Variants in TRIM65 observed in about 807,000 individuals in gnomAD.
The protein encoded by TRIM65 is E3 ubiquitin-protein ligase TRIM65.
A neutral mutation model predicts 36.1 loss-of-function variants in TRIM65; 46 were observed. That is an observed-to-expected ratio of 1.27 (90% CI 1.01 to 1.63). The LOEUF is 1.63. Ranked by LOEUF, TRIM65 falls within the 40% of genes most tolerant of loss-of-function variation. The pLI is 0.00. For synonymous variants in TRIM65, 346 were observed against 313.6 expected, an observed-to-expected ratio of 1.10 and a Z score of -1.09; for missense variants, 708 against 696.6, an observed-to-expected ratio of 1.02 and a Z score of -0.18.
In TRIM65 at chr17:75,896,527, G is replaced by C; in HGVS notation, c.411C>G (p.Arg137=). 1.5e-6 allele frequency: 2 copies of C among 1,327,726 alleles called. No individual in the cohort carries two copies. Among genetic ancestry groups the C allele is most frequent in the Non-Finnish European group, 1.9e-6 (2 of 1,040,660 alleles). 82.2% of individuals were successfully genotyped at this position (1,327,726 alleles called of 1,614,324 possible). The change falls in exon 1 of 6, where the codon CGC becomes CGG. Residue 137 remains arginine (R), a synonymous_variant. Coordinates refer to ENST00000269383, the MANE Select transcript of TRIM65 (RefSeq NM_173547.4). ...CCGCTCCCGGCGGATGCGTCACCTC[G>C]CGCTTGAGGCGCTCGGCATCCAGCA... is the stretch of plus-strand genomic sequence containing the variant. ...RALLDAERLK[R]EAQLRASLEV...
downstream of TRIM65, among the ~76,000 whole-genome samples, chr17:75,887,154 TA>T (rs5822108): frequency 0.7 from 70,851 of 101,478 alleles, 24,951 homozygotes; most frequent in East Asian, 0.84. Context: ...CCCCATCTCT[TA>T]AAAAAAAAAA....
downstream of TRIM65, among the ~76,000 whole-genome samples, chr17:75,879,793 G>A (rs765305124): frequency 2.0e-5 from 3 of 150,440 alleles, no homozygotes; most frequent in Non-Finnish European, 4.4e-5. Flanking sequence ...CGCTCTTGTC[G>A]CCCAGGCTGG....
chr17:75,891,142 C>T lies in TRIM65; in HGVS notation c.1191G>A (p.Leu397=), dbSNP rs2144052966. The T allele has an allele frequency of 1.9e-6, 3 of 1,608,518 alleles. No homozygotes were observed. Among genetic ancestry groups the T allele is most frequent in the Non-Finnish European group, 2.5e-6 (3 of 1,179,924 alleles). The part of the protein sequence containing the change: ...EVRASDHSVT[L]GVSYPQLPRC... ...GTGGCAGTTGCGGGTAGGAGACGCC[C>T]AGTGTCACCGAGTGGTCTGACGCGC... The change falls in exon 6 of 6, where the codon CTG becomes CTA. Residue 397 remains leucine, a synonymous_variant. Transcript: ENST00000269383.
intron 3 of TRIM65, 30 bp from the exon 4 acceptor site, chr17:75,892,215 G>A (rs1178525625): frequency 1.3e-6 from 2 of 1,584,252 alleles, no homozygotes; most frequent in African/African-American, 2.7e-5. Context: ...AGTAAGCCTG[G>A]GCCTGAGGGG....
chr17:75,881,223 G>A (rs1223913603), intron 4 of TRIM65, among the ~76,000 whole-genome samples: 3 of 121,542 alleles, frequency 2.5e-5, no homozygotes, highest in South Asian at 5.5e-4. Flanking sequence ...GTGACACAGC[G>A]AGACTCCATC....
In TRIM65 at chr17:75,889,013, A is replaced by G. The variant is rs1461776462; in HGVS notation, c.*1766T>C. The G allele has an allele frequency of 6.6e-6, 1 of 151,884 alleles. No homozygotes were observed. Among genetic ancestry groups the G allele is most frequent in the Non-Finnish European group, 1.5e-5 (1 of 67,986 alleles). 9.4% of individuals were successfully genotyped at this position (151,884 alleles called of 1,614,324 possible). A position where few individuals can be genotyped will look rare whatever the true frequency, so the allele number is the denominator to read the frequency against. ...ATATTTATCCATGAGTACATATAAC[A>G]TAGATGTCCAGTTTTTCAAGTTACA... On this transcript the variant is annotated 3_prime_UTR_variant, in exon 6 of 6. Transcript: ENST00000269383.
At chr17:75,881,062 A>G (rs2065165741) in intron 4 of TRIM65, among the ~76,000 whole-genome samples, 1 of 150,022 alleles carries the variant, frequency 6.7e-6, no homozygotes, top group Non-Finnish European at 1.5e-5. Context: ...CCTGGTTAAC[A>G]TGGCGAAACC....
intron 1 of TRIM65, among the ~76,000 whole-genome samples, chr17:75,895,488 C>A (rs189310664): frequency 6.6e-6 from 1 of 152,310 alleles, no homozygotes; most frequent in Admixed American, 6.5e-5. Flanking sequence ...CAGGGCCTGG[C>A]CCACAGATCT....
rs2065246588 is a variant in TRIM65 at position 75,890,213 on chromosome 17, C to T, written c.*566G>A. 1 of 152,118 alleles carries T rather than the reference C, an allele frequency of 6.6e-6. No homozygotes were observed. Among genetic ancestry groups the T allele is most frequent in the Non-Finnish European group, 1.5e-5 (1 of 68,042 alleles). 9.4% of individuals were successfully genotyped at this position (152,118 alleles called of 1,614,324 possible). ...CTGAGTGACAGAGCAAGACCATCTCCTAAAAACACAAAAATGTTTAAATGC... is the reference window on the plus strand; with the variant it reads ...CTGAGTGACAGAGCAAGACCATCTCTTAAAAACACAAAAATGTTTAAATGC... On this transcript the variant is annotated 3_prime_UTR_variant, in exon 6 of 6. Coordinates refer to ENST00000269383, the MANE Select transcript of TRIM65 (RefSeq NM_173547.4).
downstream of TRIM65, among the ~76,000 whole-genome samples, chr17:75,887,230 T>TGG (rs1262392100): frequency 7.0e-6 from 1 of 142,712 alleles, no homozygotes; most frequent in African/African-American, 2.6e-5. Flanking sequence ...CAATCCCAGG[T>TGG]GTGGATCCCT....
downstream of TRIM65, among the ~76,000 whole-genome samples, chr17:75,885,045 T>C (rs1245885082): frequency 4.0e-5 from 6 of 151,822 alleles, no homozygotes; most frequent in Admixed American, 1.3e-4. Flanking sequence ...AAAGCGATTC[T>C]TCTGCCTCAG....
In TRIM65 at chr17:75,896,724, C is replaced by T. The variant is rs1227270004; in HGVS notation, c.214G>A (p.Val72Met). 32 of 1,442,404 alleles carry T rather than the reference C, an allele frequency of 2.2e-5. No homozygotes were observed. Among genetic ancestry groups the T allele is most frequent in the Non-Finnish European group, 2.7e-5 (30 of 1,099,880 alleles). The allele number at this position is 1,442,404 out of a possible 1,614,324, so 89.4% of individuals were successfully genotyped here. Residue 72 changes from valine (V) to methionine (M), a missense_variant, in exon 1 of 6, where the codon GTG (valine) becomes ATG (methionine). Physicochemically the swap from Val to Met is conservative, Grantham distance 21. Coordinates refer to ENST00000269383, the MANE Select transcript of TRIM65 (RefSeq NM_173547.4). ...TCCCGGGCGGGCCCGGCGCGCACCA[C>T]CTCCAGCACGCCGCTGAGGGCCACG... Reference protein sequence around the residue: ...RNVALSGVLEVVRAGPARDPG... With the variant: ...RNVALSGVLEMVRAGPARDPG...
At chr17:75,888,246 G>A (rs61166506), downstream of TRIM65, among the ~76,000 whole-genome samples, 703 of 151,114 alleles carry the variant, frequency 4.7e-3, 2 homozygotes, top group African/African-American at 0.012. Context: ...CCAGCTACTC[G>A]GGAGGCTGAG....
chr17:75,888,884 G>C (rs2065230739), downstream of TRIM65: 1 of 148,796 alleles, frequency 6.7e-6, no homozygotes, highest in East Asian at 1.9e-4. Flanking sequence ...GATCGGGGTG[G>C]GGTCGTCGTG....
Position 75,896,833 on chromosome 17 carries a change from G to A in TRIM65, c.105C>T (p.Cys35=). 6.6e-7 allele frequency: 1 copy of A among 1,525,284 alleles called. No individual in the cohort carries two copies. Among genetic ancestry groups the A allele is most frequent in the Non-Finnish European group, 8.8e-7 (1 of 1,138,738 alleles). The allele number at this position is 1,525,284 out of a possible 1,614,324, so 94.5% of individuals were successfully genotyped here. The part of the protein sequence containing the change: ...LPCGHNFCGA[C]IRDWWDRCGK... ...CGCAGCGGTCCCACCAGTCCCGGATGCAGGCCCCGCAGAAGTTGTGGCCGC... is the reference window on the plus strand; with the variant it reads ...CGCAGCGGTCCCACCAGTCCCGGATACAGGCCCCGCAGAAGTTGTGGCCGC... Residue 35 remains cysteine, a synonymous_variant, in exon 1 of 6, where the codon TGC becomes TGT. Coordinates refer to ENST00000269383, the MANE Select transcript of TRIM65 (RefSeq NM_173547.4).
rs1283235152 is a variant in TRIM65 at position 75,892,139 on chromosome 17, G to C, written c.791C>G (p.Pro264Arg). The change falls in exon 4 of 6, where the codon CCT becomes CGT. Residue 264 changes from proline to arginine, a missense_variant. Pro to Arg is a moderately radical substitution (Grantham distance 103). Coordinates refer to ENST00000269383, the MANE Select transcript of TRIM65 (RefSeq NM_173547.4). ...QPPGPLGPLT[P>R]LQWDEDQQLG... is the part of the protein sequence containing the mutation. ...CTGTTGGTCTTCATCCCACTGCAGA[G>C]GGGTCAGTGGCCCAAGAGGCCCTGG... 6.4e-7 allele frequency: 1 copy of C among 1,566,872 alleles called. No homozygotes were observed. The highest frequency in any genetic ancestry group is 1.4e-5 in the African/African-American group (1 of 73,686).
chr17:75,890,767 C>T lies in TRIM65; in HGVS notation c.*12G>A, dbSNP rs767086262. On this transcript the variant is annotated 3_prime_UTR_variant, in exon 6 of 6. Coordinates refer to ENST00000269383, the MANE Select transcript of TRIM65 (RefSeq NM_173547.4). ...GGTGGCAGCTATGCCAGGGCTCCAT[C>T]CCATGCCTTCTTCAGCTGAGCACCT... 6 of 1,456,408 alleles carry T rather than the reference C, an allele frequency of 4.1e-6. No homozygotes were observed. Among genetic ancestry groups the T allele is most frequent in the South Asian group, 1.5e-5 (1 of 66,494 alleles). The allele number at this position is 1,456,408 out of a possible 1,614,324, so 90.2% of individuals were successfully genotyped here. A position where few individuals can be genotyped will look rare whatever the true frequency, so the allele number is the denominator to read the frequency against.
intron 1 of TRIM65, 62 bp downstream of exon 1, chr17:75,896,462 C>T: frequency 7.8e-7 from 1 of 1,284,170 alleles, no homozygotes; most frequent in Non-Finnish European, 9.9e-7. Context: ...CCGCAGGAGT[C>T]ACCCGGCGGT....
At chr17:75,882,050 A>T (rs2065172397) in intron 4 of TRIM65, among the ~76,000 whole-genome samples, 1 of 150,082 alleles carries the variant, frequency 6.7e-6, no homozygotes, top group Non-Finnish European at 1.5e-5. Context: ...GAGGCCACAA[A>T]CCTGCCTGGT....
Sources: allele counts gnomAD v4.1 joint callset (sites outside exome capture counted in the v4.1 genomes callset), GRCh38; gene constraint gnomAD v4.1.1; transcripts MANE v1.5; gene names NCBI Gene and HGNC (gene_info 2026-07-23, HGNC 2026-07-21).